Variants in ESRRG observed in about 807,000 individuals in gnomAD.
The protein encoded by ESRRG is estrogen related receptor gamma, also known as estrogen-related receptor gamma.
A neutral mutation model predicts 44.0 loss-of-function variants in ESRRG; 13 were observed. That is an observed-to-expected ratio of 0.30 (90% CI 0.19 to 0.47). ESRRG has a LOEUF of 0.47. Ranked by LOEUF, ESRRG falls within the 20% of genes least tolerant of loss-of-function variation. The pLI, the probability that ESRRG is intolerant of heterozygous loss-of-function variation, is 1.00. For missense variants in ESRRG, 395 were observed against 580.6 expected, an observed-to-expected ratio of 0.68 and a Z score of 3.29; for synonymous variants, 215 against 214.6, an observed-to-expected ratio of 1.00 and a Z score of -0.02.
At chr1:216,883,595 C>T (rs945845796) in intron 2 of ESRRG, among the ~76,000 whole-genome samples, 1 of 152,056 alleles carries the variant, frequency 6.6e-6, no homozygotes, top group Non-Finnish European at 1.5e-5. Context: ...AAGTCTGTCT[C>T]ATCAGAGTCC....
intron 1 of ESRRG, among the ~76,000 whole-genome samples, chr1:217,065,707 C>G (rs2089528970): frequency 6.6e-6 from 1 of 152,188 alleles, no homozygotes; most frequent in Admixed American, 6.5e-5. Flanking sequence ...GAGGAAAAGA[C>G]AGACATGCAT....
chr1:217,124,575 G>A (rs2092864521), intron 1 of ESRRG, among the ~76,000 whole-genome samples: 1 of 152,150 alleles, frequency 6.6e-6, no homozygotes, highest in African/African-American at 2.4e-5. Flanking sequence ...TTTGATAAAT[G>A]TCAACAACCA....
At chr1:216,948,946 A>T (rs1163853510) in intron 1 of ESRRG, among the ~76,000 whole-genome samples, 1 of 152,158 alleles carries the variant, frequency 6.6e-6, no homozygotes, top group Non-Finnish European at 1.5e-5. Context: ...ACATAAGCTT[A>T]GAGCACTTTG....
At chr1:216,968,351 T>C (rs924849108) in intron 1 of ESRRG, among the ~76,000 whole-genome samples, 1 of 152,182 alleles carries the variant, frequency 6.6e-6, no homozygotes, top group African/African-American at 2.4e-5. Context: ...TCTAAAAGTT[T>C]TATGGTTTTA....
intron 1 of ESRRG, among the ~76,000 whole-genome samples, chr1:217,004,943 T>C (rs1041634817): frequency 9.2e-5 from 14 of 152,088 alleles, no homozygotes; most frequent in African/African-American, 3.4e-4. Context: ...CCCCCATGAG[T>C]CATATTGTTT....
intron 2 of ESRRG, among the ~76,000 whole-genome samples, chr1:216,895,703 T>A (rs1443388036): frequency 1.3e-5 from 2 of 152,176 alleles, no homozygotes; most frequent in Admixed American, 6.5e-5. Flanking sequence ...ATAGTCCGAC[T>A]GACCTGAATG....
chr1:216,698,517 T>A (rs1461163652), intron 1 of ESRRG, among the ~76,000 whole-genome samples: 9 of 39,424 alleles, frequency 2.3e-4, no homozygotes, highest in African/African-American at 5.8e-4. Flanking sequence ...AGACTCAGTC[T>A]CAAAAAAAAA....
intron 1 of ESRRG, among the ~76,000 whole-genome samples, chr1:216,968,701 CTTT>C (rs3072232): frequency 2.8e-5 from 4 of 141,874 alleles, no homozygotes; most frequent in Non-Finnish European, 4.6e-5. Context: ...TAGTATGGGT[CTTT>C]TTTTTTTTTT....
intron 1 of ESRRG, among the ~76,000 whole-genome samples, chr1:216,945,355 C>T (rs898497366): frequency 2.0e-5 from 3 of 152,062 alleles, no homozygotes; most frequent in Non-Finnish European, 2.9e-5. Flanking sequence ...AAAGATGTAA[C>T]ATGATGCTTC....
chr1:216,808,962 G>A (rs184838567), intron 2 of ESRRG, among the ~76,000 whole-genome samples: 3 of 151,954 alleles, frequency 2.0e-5, no homozygotes, highest in Admixed American at 2.0e-4. Context: ...AGAGTTAAAA[G>A]GGAAGGAAAG....
In ESRRG at chr1:216,526,826, C is replaced by G. The variant is rs569764811; in HGVS notation, c.863-7405G>C. 5.3e-5 allele frequency among the ~76,000 whole-genome samples: 8 copies of G among 152,168 alleles called. No individual in the cohort carries two copies. The South Asian group carries it at 1.7e-3, about 32-fold the overall frequency. On this transcript the variant is annotated intron_variant, in intron 5 of 6. Coordinates refer to ENST00000408911, the MANE Select transcript of ESRRG (RefSeq NM_001438.4). ...AATCCATGGACTGGGAGTAAATAGA[C>G]CTAGAATTGGGTGCCATCTCTGCCA...
intron 6 of ESRRG, among the ~76,000 whole-genome samples, chr1:216,514,057 C>T (rs2043473990): frequency 6.6e-6 from 1 of 152,012 alleles, no homozygotes; most frequent in African/African-American, 2.4e-5. Flanking sequence ...CAGGTAAATA[C>T]CTTTGGAAGG....
At chr1:216,859,951 A>C (rs913754456) in intron 2 of ESRRG, among the ~76,000 whole-genome samples, 15 of 152,130 alleles carry the variant, frequency 9.9e-5, no homozygotes, top group African/African-American at 3.6e-4. Flanking sequence ...CAGACCCCAA[A>C]GTGACCCAGA....
intron 2 of ESRRG, among the ~76,000 whole-genome samples, chr1:216,794,837 A>T (rs2094431446): frequency 6.6e-6 from 1 of 152,200 alleles, no homozygotes; most frequent in Non-Finnish European, 1.5e-5. Context: ...CCTGGATTGC[A>T]CAAGCTATAC....
At chr1:216,780,618 C>G (rs2093897886) in intron 2 of ESRRG, among the ~76,000 whole-genome samples, 1 of 151,898 alleles carries the variant, frequency 6.6e-6, no homozygotes, top group South Asian at 2.1e-4. Flanking sequence ...GGAGGGAGAT[C>G]TGAGGCTCTG....
At chr1:217,085,583 C>A (rs544167085) in intron 1 of ESRRG, among the ~76,000 whole-genome samples, 1 of 143,240 alleles carries the variant, frequency 7.0e-6, no homozygotes, top group Non-Finnish European at 1.5e-5. Flanking sequence ...CTCTACCTCC[C>A]GGGTGCAAGC....
At chr1:216,584,161 T>C (rs916954123) in intron 3 of ESRRG, among the ~76,000 whole-genome samples, 1 of 152,166 alleles carries the variant, frequency 6.6e-6, no homozygotes, top group South Asian at 2.1e-4. Flanking sequence ...ATTATGTATA[T>C]ACATATAGGG....
At chr1:216,934,676 C>T (rs929641790) in intron 2 of ESRRG, among the ~76,000 whole-genome samples, 37 of 152,268 alleles carry the variant, frequency 2.4e-4, no homozygotes, top group African/African-American at 8.4e-4. Context: ...GGGAAACCAC[C>T]TCCATGATTC....
chr1:216,552,610 T>A (rs1451634429), intron 5 of ESRRG, among the ~76,000 whole-genome samples: 1 of 152,112 alleles, frequency 6.6e-6, no homozygotes, highest in Non-Finnish European at 1.5e-5. Context: ...GCATACTGAG[T>A]TCATGGGATG....
Sources: allele counts gnomAD v4.1 joint callset (sites outside exome capture counted in the v4.1 genomes callset), GRCh38; gene constraint gnomAD v4.1.1; transcripts MANE v1.5; gene names NCBI Gene and HGNC (gene_info 2026-07-23, HGNC 2026-07-21).